SCLT1: variants seen among roughly 807,000 people sequenced by gnomAD.
SCLT1 encodes the protein sodium channel-associated protein 1.
Under a neutral mutation model 112.8 loss-of-function variants are expected in SCLT1, and 78 were observed. The observed-to-expected ratio is 0.69, with a 90% CI of 0.58 to 0.83. SCLT1 has a LOEUF of 0.83. SCLT1 is among the 40% of genes least tolerant of loss of function. The pLI is 0.00. For missense variants in SCLT1, 747 were observed against 770.4 expected (o/e 0.97, Z 0.36); for synonymous variants, 257 against 254.7 (o/e 1.01, Z -0.09).
intron 19 of SCLT1, among the ~76,000 whole-genome samples, chr4:128,889,273 C>A (rs1439635667): frequency 2.6e-5 from 4 of 152,128 alleles, no homozygotes; most frequent in Non-Finnish European, 2.9e-5. Flanking sequence ...GAAAGAGAGT[C>A]CTTGCTGATG....
At chr4:128,962,931 C>T (rs904447829) in intron 11 of SCLT1, among the ~76,000 whole-genome samples, 1 of 152,054 alleles carries the variant, frequency 6.6e-6, no homozygotes, top group African/African-American at 2.4e-5. Context: ...TACATATATC[C>T]TATGGTAACT....
At chr4:128,875,361 G>C (rs1732485740) in intron 4 of SCLT1, 1 of 152,418 alleles carries the variant, frequency 6.6e-6, no homozygotes. Context: ...AATTTGTGCA[G>C]AGCACAGATT....
intron 2 of SCLT1, among the ~76,000 whole-genome samples, chr4:129,071,211 G>C (rs1750974881): frequency 6.6e-6 from 1 of 152,090 alleles, no homozygotes; most frequent in South Asian, 2.1e-4. Flanking sequence ...GGTCCATCTT[G>C]GAGAAAGTTC....
At chr4:128,910,425 CA>C (rs1735004505) in intron 18 of SCLT1, among the ~76,000 whole-genome samples, 1 of 152,218 alleles carries the variant, frequency 6.6e-6, no homozygotes, top group Non-Finnish European at 1.5e-5. Context: ...CCACTGAGTT[CA>C]CATACTTTGT....
At chr4:129,091,639 T>A (rs1277742963) in intron 1 of SCLT1, among the ~76,000 whole-genome samples, 1 of 152,172 alleles carries the variant, frequency 6.6e-6, no homozygotes, top group Non-Finnish European at 1.5e-5. Flanking sequence ...TGTTATTGTG[T>A]CATTATAGTG....
chr4:129,062,456 T>C (rs1056763463), intron 2 of SCLT1, among the ~76,000 whole-genome samples: 1 of 152,150 alleles, frequency 6.6e-6, no homozygotes, highest in Non-Finnish European at 1.5e-5. Context: ...AGTGTCAGAA[T>C]ATTCTTGACT....
chr4:128,972,570 C>T (rs1740784628), intron 9 of SCLT1, among the ~76,000 whole-genome samples: 1 of 152,166 alleles, frequency 6.6e-6, no homozygotes, highest in African/African-American at 2.4e-5. Flanking sequence ...GTCTCAAAGA[C>T]CTCATGTCCA....
rs544690146 is a variant in SCLT1 at position 128,876,063 on chromosome 4, G to T, written n.355+444C>A. Among the ~76,000 whole-genome samples, 4 of 152,244 alleles carry T rather than the reference G, an allele frequency of 2.6e-5. No homozygotes were observed. In the South Asian group the frequency reaches 8.3e-4, roughly 32 times the overall value. ...ATCTTTTGTACATCCACTACATGCA[G>T]AAATTAGCATATAGTGAAATGCACC... On this transcript the variant is annotated intron_variant and non_coding_transcript_variant, in intron 4 of 7. Coordinates refer to the SCLT1 transcript ENST00000503565.
intron 5 of SCLT1, among the ~76,000 whole-genome samples, chr4:129,030,246 A>T (rs1218359646): frequency 2.0e-5 from 3 of 152,178 alleles, no homozygotes; most frequent in Non-Finnish European, 1.5e-5. Context: ...AGAAATCAAG[A>T]AGTTCTTTGA....
chr4:128,952,156 T>C (rs1350944051), intron 14 of SCLT1, among the ~76,000 whole-genome samples: 1 of 152,164 alleles, frequency 6.6e-6, no homozygotes, highest in East Asian at 1.9e-4. Flanking sequence ...TTACAAGATA[T>C]GATTCATTGC....
intron 15 of SCLT1, among the ~76,000 whole-genome samples, 161 bp downstream of exon 15, chr4:128,948,335 C>CA (rs11312069): frequency 0.04 from 1,899 of 47,938 alleles, 197 homozygotes; most frequent in South Asian, 0.064. Context: ...GACTCCATTG[C>CA]AAAAAAAAAA....
chr4:129,083,323 C>T (rs2125776894), intron 1 of SCLT1, among the ~76,000 whole-genome samples: 1 of 151,404 alleles, frequency 6.6e-6, no homozygotes. Context: ...ACGTTCTTTT[C>T]AAGATCACAC....
At chr4:129,027,783 G>A (rs977317776) in intron 5 of SCLT1, among the ~76,000 whole-genome samples, 7 of 152,142 alleles carry the variant, frequency 4.6e-5, no homozygotes, top group Admixed American at 2.0e-4. Context: ...AAACCCCATC[G>A]TCTCAGCCCA....
chr4:129,024,617 C>T (rs1052460019), intron 5 of SCLT1, among the ~76,000 whole-genome samples: 1 of 152,164 alleles, frequency 6.6e-6, no homozygotes, highest in African/African-American at 2.4e-5. Context: ...AGCAGAACAA[C>T]TGGAAACTCT....
At chr4:128,900,399 C>T (rs1210365011) in intron 18 of SCLT1, among the ~76,000 whole-genome samples, 2 of 152,080 alleles carry the variant, frequency 1.3e-5, no homozygotes, top group Non-Finnish European at 2.9e-5. Flanking sequence ...TGGTCTTTGA[C>T]AAACCTGAGA....
chr4:129,082,272 G>T, intron 2 of SCLT1, 34 bp downstream of exon 2: 2 of 1,077,962 alleles, frequency 1.9e-6, no homozygotes, highest in South Asian at 1.8e-5. Context: ...CTTCACATGA[G>T]AATATTCCCA....
chr4:128,919,850 A>T (rs1231011856), intron 18 of SCLT1, among the ~76,000 whole-genome samples: 1 of 152,174 alleles, frequency 6.6e-6, no homozygotes, highest in South Asian at 2.1e-4. Context: ...TTGAACTAGG[A>T]AGAAATTCAA....
chr4:128,936,621 G>A, intron 18 of SCLT1, 34 bp downstream of exon 18: 1 of 1,362,396 alleles, frequency 7.3e-7, no homozygotes, highest in South Asian at 1.3e-5. Flanking sequence ...AATTTCTTCT[G>A]TAAAACATGT....
chr4:129,011,065 T>C (rs1744479452), intron 5 of SCLT1, among the ~76,000 whole-genome samples: 1 of 152,234 alleles, frequency 6.6e-6, no homozygotes, highest in Non-Finnish European at 1.5e-5. Flanking sequence ...TTTTCATAGA[T>C]GACTCTTACT....
Sources: gnomAD v4.1 joint callset for allele counts (sites outside exome capture counted in the v4.1 genomes callset) on GRCh38, gnomAD v4.1.1 for gene constraint, MANE v1.5 for transcripts, NCBI Gene and HGNC (gene_info 2026-07-23, HGNC 2026-07-21) for gene names.